Variants in FHIT observed in about 807,000 individuals in gnomAD.
FHIT encodes bis(5'-adenosyl)-triphosphatase.
Under a neutral mutation model 17.9 loss-of-function variants are expected in FHIT, and 19 were observed. The ratio of observed to expected loss-of-function variants is 1.06; its 90% CI spans 0.74 to 1.56. FHIT has a LOEUF of 1.56. Among genes scored for constraint, FHIT ranks in the 40% most tolerant of loss-of-function variants. FHIT has a pLI of 0.00. For missense variants in FHIT, 248 were observed against 189.2 expected (o/e 1.31, Z -1.82); for synonymous variants, 81 against 69.7 (o/e 1.16, Z -0.81).
At chr3:60,006,829 T>C (rs1699944800) in intron 7 of FHIT, among the ~76,000 whole-genome samples, 1 of 152,144 alleles carries the variant, frequency 6.6e-6, no homozygotes, top group South Asian at 2.1e-4. Flanking sequence ...ATCTGAAAGA[T>C]TACCAAATTT....
In FHIT at chr3:60,384,470, G is replaced by A. The variant is rs187016123; in HGVS notation, c.103+152390C>T. 6.1e-4 allele frequency among the ~76,000 whole-genome samples: 93 copies of A among 152,228 alleles called. 3 individuals carry two copies. The highest frequency in any genetic ancestry group is 1.8e-3 in the Admixed American group (28 of 15,298). On this transcript the variant is annotated intron_variant, in intron 5 of 9. Coordinates refer to ENST00000492590, the MANE Select transcript of FHIT (RefSeq NM_002012.4). The stretch of plus-strand genomic sequence containing the variant: ...GTTTGGTATCTTTAGCCCCATGCGA[G>A]GAGAGAGTCGTATGTTTTTCTTTCT...
intron 3 of FHIT, among the ~76,000 whole-genome samples, chr3:60,986,595 A>G (rs1302148738): frequency 6.6e-6 from 1 of 152,164 alleles, no homozygotes; most frequent in Non-Finnish European, 1.5e-5. Context: ...AAATTTCTCT[A>G]TTGCTGACAA....
At chr3:61,197,059 T>G (rs1015384599) in intron 2 of FHIT, among the ~76,000 whole-genome samples, 2 of 152,276 alleles carry the variant, frequency 1.3e-5, no homozygotes, top group African/African-American at 4.8e-5. Context: ...ACAAGGTGGT[T>G]GTTGCTGTTG....
chr3:60,994,949 T>C (rs2030543824), intron 3 of FHIT, among the ~76,000 whole-genome samples: 1 of 152,208 alleles, frequency 6.6e-6, no homozygotes. Flanking sequence ...AATCCAGCTT[T>C]TTAAATGTTT....
intron 5 of FHIT, among the ~76,000 whole-genome samples, chr3:60,127,334 A>G (rs966821348): frequency 2.0e-5 from 3 of 152,198 alleles, no homozygotes; most frequent in Non-Finnish European, 4.4e-5. Flanking sequence ...CTAAATAGCA[A>G]ATCATGTTAT....
intron 3 of FHIT, among the ~76,000 whole-genome samples, chr3:60,867,903 T>C (rs1281984727): frequency 1.3e-5 from 2 of 152,118 alleles, no homozygotes; most frequent in African/African-American, 4.8e-5. Context: ...ACTCATTTGT[T>C]ACTGCAGCAT....
chr3:60,185,355 T>A (rs983998931), intron 5 of FHIT, among the ~76,000 whole-genome samples: 1 of 152,172 alleles, frequency 6.6e-6, no homozygotes, highest in Non-Finnish European at 1.5e-5. Flanking sequence ...TACCAGAAAG[T>A]TAATAAAGTT....
At chr3:60,950,526 G>T (rs1204942445) in intron 3 of FHIT, among the ~76,000 whole-genome samples, 4 of 149,074 alleles carry the variant, frequency 2.7e-5, no homozygotes, top group Non-Finnish European at 4.5e-5. Flanking sequence ...TGTCACCCAG[G>T]CTGGAGTGGA....
At position 60,308,810 on chromosome 3, in the gene FHIT, A is replaced by G. The variant is rs139472600; in HGVS notation, c.103+228050T>C. On this transcript the variant is annotated intron_variant, in intron 5 of 9. Coordinates refer to ENST00000492590, the MANE Select transcript of FHIT (RefSeq NM_002012.4). ...CTGATCACCAAAAGTATACTATTTA[A>G]AACTTTTAATGTGAGGAATGGTTGT... Among the ~76,000 whole-genome samples, 229 of 152,294 alleles carry G rather than the reference A, an allele frequency of 1.5e-3. 3 individuals carry two copies. Among genetic ancestry groups the G allele is most frequent in the African/African-American group, 5.4e-3 (224 of 41,576 alleles).
chr3:60,233,382 C>T (rs1704602256), intron 5 of FHIT, among the ~76,000 whole-genome samples: 1 of 152,056 alleles, frequency 6.6e-6, no homozygotes, highest in South Asian at 2.1e-4. Context: ...TTCAGACAGG[C>T]TCTTTTCAGC....
intron 4 of FHIT, among the ~76,000 whole-genome samples, chr3:60,817,090 G>T (rs565431824): frequency 6.6e-6 from 1 of 151,924 alleles, no homozygotes; most frequent in East Asian, 1.9e-4. Flanking sequence ...AGTCTACTTA[G>T]ATTTAATTTT....
intron 4 of FHIT, chr3:60,616,729 T>G (rs1553676050): frequency 6.6e-6 from 1 of 152,202 alleles, no homozygotes; most frequent in African/African-American, 2.4e-5. Flanking sequence ...AATCTCAATA[T>G]TGTCAAGATA....
chr3:60,134,390 C>G (rs961549137), intron 5 of FHIT, among the ~76,000 whole-genome samples: 3 of 152,050 alleles, frequency 2.0e-5, no homozygotes, highest in Admixed American at 1.3e-4. Context: ...ACATTTATTC[C>G]CTATCATAGT....
At chr3:60,690,304 A>G in intron 4 of FHIT, 1 of 560,850 alleles carries the variant, frequency 1.8e-6, no homozygotes. Flanking sequence ...CATGGCCTCC[A>G]CAATATCCAT....
chr3:60,193,093 A>AT (rs1353456694), intron 5 of FHIT, among the ~76,000 whole-genome samples: 4 of 152,238 alleles, frequency 2.6e-5, no homozygotes, highest in African/African-American at 9.6e-5. Context: ...ATTTCTCAAA[A>AT]TTTAAAATCC....
At chr3:61,019,445 A>C (rs1012774190) in intron 3 of FHIT, among the ~76,000 whole-genome samples, 1 of 152,222 alleles carries the variant, frequency 6.6e-6, no homozygotes, top group South Asian at 2.1e-4. Flanking sequence ...GCCAATAATA[A>C]GTTTTGAAAA....
At chr3:59,826,400 C>T (rs576133513) in intron 8 of FHIT, among the ~76,000 whole-genome samples, 7 of 152,198 alleles carry the variant, frequency 4.6e-5, no homozygotes, top group Non-Finnish European at 8.8e-5. Flanking sequence ...TTTTTCTTTG[C>T]ACTTTTCACC....
At chr3:61,212,720 A>G (rs2039524880) in intron 1 of FHIT, among the ~76,000 whole-genome samples, 1 of 152,238 alleles carries the variant, frequency 6.6e-6, no homozygotes, top group Non-Finnish European at 1.5e-5. Flanking sequence ...CAAAGTTGAA[A>G]TGAAGGAAAA....
chr3:60,128,568 G>T (rs1699365226), intron 5 of FHIT, among the ~76,000 whole-genome samples: 1 of 152,088 alleles, frequency 6.6e-6, no homozygotes, highest in Non-Finnish European at 1.5e-5. Flanking sequence ...TGAATTCTGG[G>T]GCAAGTACCC....
Sources: allele counts gnomAD v4.1 joint callset (sites outside exome capture counted in the v4.1 genomes callset), GRCh38; gene constraint gnomAD v4.1.1; transcripts MANE v1.5; gene names NCBI Gene and HGNC (gene_info 2026-07-23, HGNC 2026-07-21).